VPS33B: variants seen among roughly 807,000 people sequenced by gnomAD.
The protein encoded by VPS33B is vacuolar protein sorting-associated protein 33B.
A neutral mutation model predicts 95.3 loss-of-function variants in VPS33B; 80 were observed. The observed-to-expected ratio is 0.84, with a 90% CI of 0.70 to 1.01. The LOEUF (loss-of-function observed/expected upper bound fraction) is 1.01. Ranked by LOEUF, VPS33B falls within the 50% of genes least tolerant of loss-of-function variation. The pLI is 0.00. For synonymous variants in VPS33B, 280 were observed against 280.4 expected, an observed-to-expected ratio of 1.00 and a Z score of 0.01; for missense variants, 715 against 773.4, an observed-to-expected ratio of 0.92 and a Z score of 0.90.
rs2041124136 is a variant in VPS33B, at chr15:91,022,198, G to A, written c.52C>T (p.Leu18=). The A allele has an allele frequency of 3.8e-6, 6 of 1,587,010 alleles. No individual in the cohort carries two copies. The South Asian group carries it at 5.7e-5, about 15-fold the overall frequency. ...DAPELPDFSM[L]KRLARDQLIY... ...AGCTGGTCTCGAGCCAGCCTCTTCA[G>A]CATGGAGAAGTCAGGCAGCTCAGGG... Residue 18 remains leucine, a synonymous_variant, in exon 1 of 23, where the codon CTG becomes TTG. Transcript: ENST00000333371.
intron 5 of VPS33B, among the ~76,000 whole-genome samples, chr15:91,012,431 C>T (rs1227538616): frequency 6.6e-6 from 1 of 152,144 alleles, no homozygotes; most frequent in African/African-American, 2.4e-5. Flanking sequence ...CTCTATCTTC[C>T]AGATGAGAAA....
chr15:91,006,847 G>C lies in VPS33B; in HGVS notation c.700+103C>G. The C allele has an allele frequency of 6.3e-7, 1 of 1,589,564 alleles. No individual in the cohort carries two copies. Among genetic ancestry groups the C allele is most frequent in the South Asian group, 1.1e-5 (1 of 90,322 alleles). On this transcript the variant is annotated intron_variant, in intron 9 of 22. Transcript: ENST00000333371. The surrounding 1 kb of genome is among the most constrained non-coding windows in gnomAD (Gnocchi z 5.4). ...AAGGACCCACGCTCCTCAAAGCTGG[G>C]ATTCACAGCCCTAACTTTAGGATTT...
Position 91,007,053 on chromosome 15 carries a change from G to T in VPS33B, c.604-7C>A. On this transcript the variant is annotated splice_region_variant and splice_polypyrimidine_tract_variant and intron_variant, in intron 8 of 22. Transcript: ENST00000333371. The surrounding 1 kb of genome is among the most constrained non-coding windows in gnomAD (Gnocchi z 5.3). ...TCCACAATTCATATGCCATCTGCCA[G>T]GGCCCAAGACATTCTCAGTCTTGTG... 6.2e-7 allele frequency: 1 copy of T among 1,609,132 alleles called. No individual in the cohort carries two copies. Among genetic ancestry groups the T allele is most frequent in the Non-Finnish European group, 8.5e-7 (1 of 1,179,988 alleles).
Position 91,007,007 on chromosome 15 carries a change from C to T in VPS33B, c.643G>A (p.Asp215Asn). 1.2e-6 allele frequency: 2 copies of T among 1,612,102 alleles called. No individual in the cohort carries two copies. The highest frequency in any genetic ancestry group is 1.1e-5 in the South Asian group (1 of 91,056). ...ELWRNLEEEEDGETKGRRPEI... is the reference protein window; with the variant it reads ...ELWRNLEEEENGETKGRRPEI... Reference sequence around the variant, plus strand: ...GGCCTTCGGCCCTTGGTTTCGCCATCCTCCTCCTCCTCCAGGTTCCTCCAC... The same window carrying T: ...GGCCTTCGGCCCTTGGTTTCGCCATTCTCCTCCTCCTCCAGGTTCCTCCAC... Residue 215 changes from aspartate to asparagine, a missense_variant, in exon 9 of 23, where the codon GAT becomes AAT. Coordinates refer to ENST00000333371, the MANE Select transcript of VPS33B (RefSeq NM_018668.5). This position sits in a 1 kb window ranked among gnomAD's most constrained non-coding sequence, Gnocchi z 5.3.
intron 18 of VPS33B, 152 bp from the exon 19 acceptor site, chr15:91,001,614 A>ACT: frequency 2.8e-6 from 2 of 721,524 alleles, no homozygotes; most frequent in South Asian, 3.1e-5. Flanking sequence ...ATCAAGATAT[A>ACT]CTCCCCACCC....
Position 91,006,428 on chromosome 15 carries a change from G to A in VPS33B, c.796C>T (p.Pro266Ser). 1 of 1,614,158 alleles carries A rather than the reference G, an allele frequency of 6.2e-7. No homozygotes were observed. Among genetic ancestry groups the A allele is most frequent in the Non-Finnish European group, 8.5e-7 (1 of 1,180,032 alleles). ...CTCTTGTCAGAGGATGTGACTTCTG[G>A]GCCAAAGTCGACACTCCCTTTGAGA... ...RIKCGSVDFG[P>S]EVTSSDKSLK... is the part of the protein sequence containing the mutation. The change falls in exon 11 of 23, where the codon CCA (proline) becomes TCA (serine). Residue 266 changes from proline to serine, a missense_variant. Transcript: ENST00000333371. This position sits in a 1 kb window ranked among gnomAD's most constrained non-coding sequence, Gnocchi z 5.4.
Position 90,999,752 on chromosome 15 carries a change from G to C in VPS33B, c.1699C>G (p.Leu567Val). The C allele has an allele frequency of 6.2e-7, 1 of 1,614,150 alleles. No individual in the cohort carries two copies. Among genetic ancestry groups the C allele is most frequent in the Non-Finnish European group, 8.5e-7 (1 of 1,180,024 alleles). ...CCACCCAAGAACACCACCAAGATGAGGCGCAGGGACTCACTGGAAGCCTTG... is the reference window on the plus strand; with the variant it reads ...CCACCCAAGAACACCACCAAGATGACGCGCAGGGACTCACTGGAAGCCTTG... ...EDKASSESLRLILVVFLGGCT... is the reference protein window; with the variant it reads ...EDKASSESLRVILVVFLGGCT... The change falls in exon 22 of 23, where the codon CTC becomes GTC. Residue 567 changes from leucine (L) to valine (V), a missense_variant. Physicochemically the swap from Leu to Val is conservative, Grantham distance 32. Transcript: ENST00000333371. This position sits in a 1 kb window ranked among gnomAD's most constrained non-coding sequence, Gnocchi z 5.1.
intron 1 of VPS33B, among the ~76,000 whole-genome samples, chr15:91,020,861 A>G (rs1327442650): frequency 6.6e-6 from 1 of 152,228 alleles, no homozygotes; most frequent in Admixed American, 6.5e-5. Context: ...AGCCTGGGCA[A>G]CGGAGTGAGA....
In VPS33B at chr15:91,000,611, C is replaced by G. The variant is rs200348382; in HGVS notation, c.1480-20G>C. On this transcript the variant is annotated intron_variant, in intron 19 of 22. Transcript: ENST00000333371. This position sits in a 1 kb window ranked among gnomAD's most constrained non-coding sequence, Gnocchi z 4.9. ...TGGGATCTGTAAGACAAAGGGACTTCATTAGGCAAGTGACAGCTCAGCTCC... is the reference window on the plus strand; with the variant it reads ...TGGGATCTGTAAGACAAAGGGACTTGATTAGGCAAGTGACAGCTCAGCTCC... 5.0e-6 allele frequency: 8 copies of G among 1,608,164 alleles called. No individual in the cohort carries two copies. The highest frequency in any genetic ancestry group is 4.0e-5 in the African/African-American group (3 of 74,900).
chr15:91,017,359 C>A (rs2040958619), intron 2 of VPS33B, among the ~76,000 whole-genome samples: 9 of 21,292 alleles, frequency 4.2e-4, no homozygotes, highest in East Asian at 0.036. Flanking sequence ...TCCATCTCTA[C>A]AAAATTAAAT....
rs769227734 is a variant in VPS33B at position 91,007,990 on chromosome 15, C to A, written c.404-26G>T. 3 of 1,610,948 alleles carry A rather than the reference C, an allele frequency of 1.9e-6. No homozygotes were observed. In the African/African-American group the frequency reaches 4.0e-5, roughly 22 times the overall value. On this transcript the variant is annotated intron_variant, in intron 6 of 22. Coordinates refer to ENST00000333371, the MANE Select transcript of VPS33B (RefSeq NM_018668.5). The surrounding 1 kb of genome is among the most constrained non-coding windows in gnomAD (Gnocchi z 5.3). ...CTGTGGGGACAGAGAGCATCAGCCT[C>A]CCTGCAGAAGGTACTTAGCTCCACG...
At chr15:91,021,435 C>T (rs1210883384) in intron 1 of VPS33B, among the ~76,000 whole-genome samples, 3 of 152,148 alleles carry the variant, frequency 2.0e-5, no homozygotes, top group Non-Finnish European at 4.4e-5. Flanking sequence ...CCTTCATTCC[C>T]ACTGCTACCA....
chr15:91,015,016 C>G lies in VPS33B; in HGVS notation c.240-583G>C, dbSNP rs967317018. On this transcript the variant is annotated intron_variant, in intron 3 of 22. Transcript: ENST00000333371. The surrounding 1 kb of genome is among the most constrained non-coding windows in gnomAD (Gnocchi z 4.7). Reference sequence around the variant, plus strand: ...AGGAGTTTGAGACCAGCCCAGCCAACATGGTGAAACCCCGTCTCTACTAAA... The same window carrying G: ...AGGAGTTTGAGACCAGCCCAGCCAAGATGGTGAAACCCCGTCTCTACTAAA... 1.7e-4 allele frequency among the ~76,000 whole-genome samples: 26 copies of G among 150,928 alleles called. No individual in the cohort carries two copies. The highest frequency in any genetic ancestry group is 5.9e-4 in the African/African-American group (24 of 40,914).
chr15:91,022,080 C>A, intron 1 of VPS33B, 74 bp downstream of exon 1: 1 of 1,500,936 alleles, frequency 6.7e-7, no homozygotes. Flanking sequence ...ATCAAAGGGG[C>A]ACGGCAAGGA....
chr15:90,999,316 G>T lies in VPS33B; in HGVS notation c.1775-262C>A. ...AATATTCCTGTGCAGGACACTTTGC[G>T]TGTTTTTTTTTTTTCTCTTGAGATG... On this transcript the variant is annotated intron_variant, in intron 22 of 22. Transcript: ENST00000333371. The surrounding 1 kb of genome is among the most constrained non-coding windows in gnomAD (Gnocchi z 5.1). 2 of 558,310 alleles carry T rather than the reference G, an allele frequency of 3.6e-6. No homozygotes were observed. The highest frequency in any genetic ancestry group is 2.1e-5 in the South Asian group (1 of 48,554). 34.6% of individuals were successfully genotyped at this position (558,310 alleles called of 1,614,324 possible).
At chr15:91,017,153 A>AATTATGCTC in intron 2 of VPS33B, 129 bp from the exon 3 acceptor site, 2 of 839,876 alleles carry the variant, frequency 2.4e-6, no homozygotes, top group Non-Finnish European at 4.0e-6. Context: ...TAATTATGCT[A>AATTATGCTC]ATTATGCTCC....
Position 91,022,412 on chromosome 15 carries a change from G to T in VPS33B, c.-163C>A. 3.2e-6 allele frequency: 2 copies of T among 630,320 alleles called. No homozygotes were observed. The highest frequency in any genetic ancestry group is 5.4e-6 in the Non-Finnish European group (2 of 369,588). The allele number at this position is 630,320 out of a possible 1,614,324, so 39.0% of individuals were successfully genotyped here. Reference sequence around the variant, plus strand: ...CCTCAGCAGCACTCCAGGAATGAATGGCCACCTCCAGGCAAGAGAGCTACT... The same window carrying T: ...CCTCAGCAGCACTCCAGGAATGAATTGCCACCTCCAGGCAAGAGAGCTACT... On this transcript the variant is annotated 5_prime_UTR_variant, in exon 1 of 23. Coordinates refer to ENST00000333371, the MANE Select transcript of VPS33B (RefSeq NM_018668.5).
Position 90,999,739 on chromosome 15 carries a change from A to G in VPS33B, c.1712T>C (p.Val571Ala). 1 of 1,614,030 alleles carries G rather than the reference A, an allele frequency of 6.2e-7. No homozygotes were observed. Among genetic ancestry groups the G allele is most frequent in the African/African-American group, 1.3e-5 (1 of 74,992 alleles). Residue 571 changes from valine to alanine, a missense_variant, in exon 22 of 23, where the codon GTG becomes GCG. By Grantham distance (64) the Val-to-Ala change is moderately conservative (BLOSUM62 0). Coordinates refer to ENST00000333371, the MANE Select transcript of VPS33B (RefSeq NM_018668.5). The surrounding 1 kb of genome is among the most constrained non-coding windows in gnomAD (Gnocchi z 5.1). ...SSESLRLILV[V>A]FLGGCTFSEI... ...AGAGAATGTACAACCACCCAAGAACACCACCAAGATGAGGCGCAGGGACTC... is the reference window on the plus strand; with the variant it reads ...AGAGAATGTACAACCACCCAAGAACGCCACCAAGATGAGGCGCAGGGACTC...
chr15:91,019,114 GTTTTTT>G (rs368381850), intron 1 of VPS33B, among the ~76,000 whole-genome samples: 2 of 87,780 alleles, frequency 2.3e-5, no homozygotes, highest in East Asian at 3.7e-4. Context: ...CTCCTGGCCT[GTTTTTT>G]TTTTTTTTTT....
Sources: gnomAD v4.1 joint callset for allele counts (sites outside exome capture counted in the v4.1 genomes callset) on GRCh38, gnomAD v4.1.1 for gene constraint, Gnocchi (gnomAD v3.1) non-coding constraint, MANE v1.5 for transcripts, NCBI Gene and HGNC (gene_info 2026-07-23, HGNC 2026-07-21) for gene names.